The following KHDRBS2 variants were observed in gnomAD, a reference collection of about 807,000 sequenced individuals.
The protein encoded by KHDRBS2 is KH domain-containing, RNA-binding, signal transduction-associated protein 2.
A neutral mutation model predicts 44.3 loss-of-function variants in KHDRBS2; 26 were observed. The observed-to-expected ratio is 0.59, with a 90% confidence interval of 0.43 to 0.81. The LOEUF (loss-of-function observed/expected upper bound fraction) is 0.81, where lower values mean the gene tolerates loss of function less well. Ranked by LOEUF, KHDRBS2 falls within the 40% of genes least tolerant of loss-of-function variation. The probability of loss-of-function intolerance (pLI) is 0.00; values close to 1 mark genes in which losing one functional copy is unlikely to be tolerated. For synonymous variants in KHDRBS2, 194 were observed against 151.1 expected (o/e 1.28, Z -2.08); for missense variants, 476 against 433.1 (o/e 1.10, Z -0.88).
intron 2 of KHDRBS2, among the ~76,000 whole-genome samples, chr6:62,149,928 A>G (rs1351717414): frequency 1.3e-5 from 2 of 152,198 alleles, no homozygotes. Flanking sequence ...ATCTAATTCA[A>G]CTGAACTCCT....
At chr6:61,613,699 A>C in the KHDRBS2 span, among the ~76,000 whole-genome samples, 5 of 152,184 alleles carry the variant, frequency 3.3e-5, no homozygotes, top group Admixed American at 6.5e-5. Flanking sequence ...TCAGGGTATT[A>C]ATTCTACTGA....
chr6:61,608,648 C>T, the KHDRBS2 span, among the ~76,000 whole-genome samples: 2 of 145,488 alleles, frequency 1.4e-5, no homozygotes, highest in African/African-American at 5.1e-5. Flanking sequence ...TCCATGTGTT[C>T]TCATTGTTCA....
the KHDRBS2 span, among the ~76,000 whole-genome samples, chr6:61,640,672 G>T: frequency 6.6e-6 from 1 of 152,104 alleles, no homozygotes; most frequent in Non-Finnish European, 1.5e-5. Context: ...CTTATCCTGA[G>T]AATGACCAAC....
intron 7 of KHDRBS2, among the ~76,000 whole-genome samples, chr6:61,724,589 T>A (rs576377339): frequency 7.9e-5 from 12 of 152,226 alleles, no homozygotes; most frequent in African/African-American, 2.6e-4. Flanking sequence ...AAGACACACA[T>A]AGGCTCAAAA....
intron 6 of KHDRBS2, among the ~76,000 whole-genome samples, chr6:61,875,050 C>A (rs1383333174): frequency 1.3e-5 from 2 of 152,040 alleles, no homozygotes; most frequent in African/African-American, 4.8e-5. Context: ...ACATTAAAGG[C>A]TGACTGGACT....
chr6:61,647,781 T>G, the KHDRBS2 span, among the ~76,000 whole-genome samples: 2 of 152,202 alleles, frequency 1.3e-5, no homozygotes, highest in Non-Finnish European at 2.9e-5. Flanking sequence ...CCATGATCTT[T>G]TATGCATTCC....
intron 2 of KHDRBS2, among the ~76,000 whole-genome samples, chr6:62,057,893 G>T (rs931071648): frequency 6.6e-6 from 1 of 151,886 alleles, no homozygotes; most frequent in East Asian, 1.9e-4. Context: ...AACATAATTG[G>T]TGGCAAAACG....
chr6:61,679,723 C>T (rs1582125475), downstream of KHDRBS2, among the ~76,000 whole-genome samples: 1 of 151,908 alleles, frequency 6.6e-6, no homozygotes, highest in Non-Finnish European at 1.5e-5. Flanking sequence ...TTATAAACTA[C>T]GCGAATGAAG....
chr6:61,631,335 A>AAAAAAAAAAAAAAG, the KHDRBS2 span, among the ~76,000 whole-genome samples: 62 of 104,732 alleles, frequency 5.9e-4, 6 homozygotes, highest in East Asian at 1.3e-3. Flanking sequence ...AAAAAAAAAA[A>AAAAAAAAAAAAAAG]AAGACAATAC....
chr6:62,146,322 A>G (rs138712383), intron 2 of KHDRBS2, among the ~76,000 whole-genome samples: 25 of 152,036 alleles, frequency 1.6e-4, no homozygotes, highest in African/African-American at 5.3e-4. Context: ...CATACGATCC[A>G]AGGTTGTATC....
At chr6:61,918,683 C>T (rs1039311437) in intron 4 of KHDRBS2, among the ~76,000 whole-genome samples, 2 of 151,922 alleles carry the variant, frequency 1.3e-5, no homozygotes, top group African/African-American at 2.4e-5. Flanking sequence ...CTAAGACAGG[C>T]TGTATGGGTG....
chr6:62,267,942 T>G (rs550736228), intron 1 of KHDRBS2, among the ~76,000 whole-genome samples: 3 of 152,186 alleles, frequency 2.0e-5, no homozygotes, highest in East Asian at 3.9e-4. Context: ...AAATCGATAT[T>G]TATATGTTAT....
rs566909516 is a variant in KHDRBS2 at position 61,819,385 on chromosome 6, A to T, written c.810+75250T>A. Among the ~76,000 whole-genome samples the T allele has an allele frequency of 7.2e-5, 11 of 152,206 alleles. No individual in the cohort carries two copies. The South Asian group carries it at 2.3e-3, about 31-fold the overall frequency. On this transcript the variant is annotated intron_variant, in intron 6 of 8. Transcript: ENST00000281156. ...TTAAGGAAATAAAACAAAATGTTGG[A>T]GCTTACTTTGTCCCTACTGTGACTT...
intron 3 of KHDRBS2, among the ~76,000 whole-genome samples, chr6:62,014,530 T>C (rs1188488857): frequency 1.3e-5 from 2 of 152,256 alleles, no homozygotes; most frequent in Admixed American, 6.5e-5. Context: ...TTTTGAACAC[T>C]GTATGACCCT....
chr6:62,069,491 G>C (rs1794499022), intron 2 of KHDRBS2, among the ~76,000 whole-genome samples: 1 of 151,560 alleles, frequency 6.6e-6, no homozygotes, highest in Non-Finnish European at 1.5e-5. Context: ...TTTGCTTTCT[G>C]AGAGGACTTA....
chr6:61,943,313 G>C, intron 4 of KHDRBS2, among the ~76,000 whole-genome samples: 1 of 151,860 alleles, frequency 6.6e-6, no homozygotes, highest in South Asian at 2.1e-4. Flanking sequence ...GCATATGAAA[G>C]TACGGTAAAG....
In KHDRBS2 at chr6:62,090,974, C is replaced by T. The variant is rs146692228; in HGVS notation, c.220-42980G>A. Among the ~76,000 whole-genome samples, 11 of 152,266 alleles carry T rather than the reference C, an allele frequency of 7.2e-5. No homozygotes were observed. In the East Asian group the frequency reaches 1.5e-3, roughly 21 times the overall value. On this transcript the variant is annotated intron_variant, in intron 2 of 8. Transcript: ENST00000281156. Reference sequence around the variant, plus strand: ...AGCTCTTTATGAAAAATAGTTACTACGGGCATAATCTGATTTCCACAACCT... The same window carrying T: ...AGCTCTTTATGAAAAATAGTTACTATGGGCATAATCTGATTTCCACAACCT...
chr6:61,843,423 A>T (rs1319406892), intron 6 of KHDRBS2, among the ~76,000 whole-genome samples: 1 of 150,950 alleles, frequency 6.6e-6, no homozygotes, highest in Admixed American at 6.6e-5. Flanking sequence ...CAGTGGGGTG[A>T]TCTCAGCTCA....
At position 61,894,731 on chromosome 6, in the gene KHDRBS2, T is replaced by A; in HGVS notation, c.714A>T (p.Val238=). The change falls in exon 6 of 9, where the codon GTA becomes GTT. Residue 238 remains valine, a synonymous_variant. Coordinates refer to ENST00000281156, the MANE Select transcript of KHDRBS2 (RefSeq NM_152688.4). ...VTRGALPVPP[V]ARGVPTPRAR... ...CTCGAGGGGTAGGGACACCTCTTGCTACAGGTGGCACTGGAAGCGCTCCAC... is the reference window on the plus strand; with the variant it reads ...CTCGAGGGGTAGGGACACCTCTTGCAACAGGTGGCACTGGAAGCGCTCCAC... The A allele has an allele frequency of 4.3e-6, 7 of 1,613,596 alleles. No homozygotes were observed. The highest frequency in any genetic ancestry group is 4.2e-6 in the Non-Finnish European group (5 of 1,179,720).
Sources: gnomAD v4.1 joint callset for allele counts (sites outside exome capture counted in the v4.1 genomes callset) on GRCh38, gnomAD v4.1.1 for gene constraint, MANE v1.5 for transcripts, NCBI Gene and HGNC (gene_info 2026-07-23, HGNC 2026-07-21) for gene names.